The following ASIP variants were observed in gnomAD, a reference collection of about 807,000 sequenced individuals.
ASIP encodes the protein agouti signaling protein.
A neutral mutation model predicts 10.3 loss-of-function variants in ASIP; 11 were observed. The observed-to-expected ratio is 1.07, with a 90% CI of 0.68 to 1.78. The LOEUF is 1.78. ASIP is among the 40% of genes most tolerant of loss of function. The pLI is 0.00. For missense variants in ASIP, 180 were observed against 169.2 expected (o/e 1.06, Z -0.35); for synonymous variants, 70 against 70.8 (o/e 0.99, Z 0.06).
At chr20:34,192,191 C>T (rs1010557978), upstream of ASIP, among the ~76,000 whole-genome samples, 1 of 151,922 alleles carries the variant, frequency 6.6e-6, no homozygotes, top group Non-Finnish European at 1.5e-5. Flanking sequence ...CATGAGCCAC[C>T]AAGCCCAGGT....
chr20:34,194,916 A>AT (rs765829028), intron 1 of ASIP, among the ~76,000 whole-genome samples: 99 of 151,370 alleles, frequency 6.5e-4, no homozygotes, highest in Middle Eastern at 3.4e-3. Context: ...TCATCTCCTT[A>AT]TTTTTTTTGT....
upstream of ASIP, among the ~76,000 whole-genome samples, chr20:34,236,775 C>T (rs2035216867): frequency 6.6e-6 from 1 of 152,140 alleles, no homozygotes; most frequent in South Asian, 2.1e-4. Context: ...TTTTGGGAAA[C>T]TCTAGATAAG....
chr20:34,213,744 G>T, intron 1 of ASIP: 1 of 1,507,370 alleles, frequency 6.6e-7, no homozygotes, highest in South Asian at 1.1e-5. Flanking sequence ...TTCGATGAAG[G>T]AAAGTACAGA....
chr20:34,235,813 G>T (rs1405062577), intron 1 of ASIP, among the ~76,000 whole-genome samples: 2 of 57,360 alleles, frequency 3.5e-5, no homozygotes, highest in African/African-American at 2.0e-4. Flanking sequence ...AAGAAAGAAA[G>T]AAAGAAAGAA....
intron 1 of ASIP, among the ~76,000 whole-genome samples, chr20:34,217,842 C>G (rs1220566996): frequency 6.6e-6 from 1 of 152,202 alleles, no homozygotes; most frequent in Non-Finnish European, 1.5e-5. Flanking sequence ...GATTAACAGG[C>G]GTGAGCCACC....
intron 2 of ASIP, among the ~76,000 whole-genome samples, chr20:34,261,693 T>C (rs954461975): frequency 6.6e-6 from 1 of 151,922 alleles, no homozygotes; most frequent in Non-Finnish European, 1.5e-5. Flanking sequence ...TTCCAGCTAT[T>C]TGGGAGGCTG....
chr20:34,236,929 T>C (rs2035218606), upstream of ASIP, among the ~76,000 whole-genome samples: 1 of 152,212 alleles, frequency 6.6e-6, no homozygotes, highest in African/African-American at 2.4e-5. Flanking sequence ...CATGTAGATA[T>C]CCACTTTTCC....
At chr20:34,208,759 G>C (rs1166337483) in intron 1 of ASIP, among the ~76,000 whole-genome samples, 1 of 152,146 alleles carries the variant, frequency 6.6e-6, no homozygotes, top group Non-Finnish European at 1.5e-5. Flanking sequence ...ACATGAGATG[G>C]CTTTCCATTT....
chr20:34,264,523 T>C (rs1478370164), intron 3 of ASIP, among the ~76,000 whole-genome samples: 2 of 152,162 alleles, frequency 1.3e-5, no homozygotes, highest in Admixed American at 6.6e-5. Context: ...ATTCTGGAAG[T>C]GTTCCCAAGA....
At chr20:34,238,697 T>C (rs1471399405), upstream of ASIP, among the ~76,000 whole-genome samples, 2 of 152,190 alleles carry the variant, frequency 1.3e-5, no homozygotes, top group African/African-American at 2.4e-5. Flanking sequence ...ATGTGCCATA[T>C]TTTTTCTTTT....
chr20:34,213,747 A>G, intron 1 of ASIP: 1 of 1,506,574 alleles, frequency 6.6e-7, no homozygotes, highest in South Asian at 1.1e-5. Flanking sequence ...GATGAAGGAA[A>G]GTACAGACTC....
chr20:34,240,980 G>A (rs117915681), upstream of ASIP, among the ~76,000 whole-genome samples: 3,123 of 152,240 alleles, frequency 0.021, 48 homozygotes, highest in South Asian at 0.037. Flanking sequence ...AGCCAGCTCT[G>A]GGAGATCCTG....
At chr20:34,219,497 GGAAA>G (rs1447952363) in intron 1 of ASIP, among the ~76,000 whole-genome samples, 1 of 152,190 alleles carries the variant, frequency 6.6e-6, no homozygotes, top group Non-Finnish European at 1.5e-5. Context: ...TCTGAAAGTA[GGAAA>G]GAGAGGCAGA....
At chr20:34,230,731 C>CCA (rs1266922545) in intron 1 of ASIP, among the ~76,000 whole-genome samples, 1 of 41,150 alleles carries the variant, frequency 2.4e-5, no homozygotes, top group Non-Finnish European at 4.1e-5. Flanking sequence ...CTGACCCCCC[C>CCA]ACCTCCCTCC....
chr20:34,243,758 T>TTA (rs967285204), intron 1 of ASIP, among the ~76,000 whole-genome samples: 6 of 134,048 alleles, frequency 4.5e-5, no homozygotes, highest in African/African-American at 1.6e-4. Context: ...ATATTGTATT[T>TTA]AAAAAAAAAA....
chr20:34,242,197 ATTTTATTTTATTTTATTAT>A (rs1327961703), intron 1 of ASIP, among the ~76,000 whole-genome samples: 4 of 151,212 alleles, frequency 2.6e-5, no homozygotes, highest in South Asian at 2.1e-4. Context: ...TAAAATTTTT[ATTTTATTTTATTTTATTAT>A]TTTTATTTTA....
At chr20:34,196,846 G>A (rs971228157) in intron 1 of ASIP, among the ~76,000 whole-genome samples, 1 of 152,292 alleles carries the variant, frequency 6.6e-6, no homozygotes, top group African/African-American at 2.4e-5. Context: ...TCACCACAAA[G>A]GTAGGATCCA....
At chr20:34,257,153 A>G (rs1488324524) in intron 1 of ASIP, among the ~76,000 whole-genome samples, 1 of 147,586 alleles carries the variant, frequency 6.8e-6, no homozygotes, top group Admixed American at 6.9e-5. Context: ...GTACGATCTC[A>G]GCTCACTGCA....
chr20:34,235,819 AAG>A (rs1491331705), intron 1 of ASIP, among the ~76,000 whole-genome samples: 1 of 63,464 alleles, frequency 1.6e-5, no homozygotes, highest in Non-Finnish European at 2.5e-5. Context: ...GAAAGAAAGA[AAG>A]AAAGAAAGAA....
Sources: gnomAD v4.1 joint callset for allele counts (sites outside exome capture counted in the v4.1 genomes callset) on GRCh38, gnomAD v4.1.1 for gene constraint, MANE v1.5 for transcripts, NCBI Gene and HGNC (gene_info 2026-07-23, HGNC 2026-07-21) for gene names.